SLC25A18: variants seen among roughly 807,000 people sequenced by gnomAD.
SLC25A18 encodes solute carrier family 25 member 18.
SLC25A18 carries 24 observed loss-of-function variants against 31.1 expected under a neutral mutation model. The ratio of observed to expected loss-of-function variants is 0.77; its 90% CI spans 0.56 to 1.08. The LOEUF (loss-of-function observed/expected upper bound fraction) is 1.08, where lower values mean the gene tolerates loss of function less well. SLC25A18 is among the 50% of genes least tolerant of loss of function. SLC25A18 has a pLI of 0.00. For synonymous variants in SLC25A18, 173 were observed against 161.9 expected (o/e 1.07, Z -0.52); for missense variants, 371 against 418.5 (o/e 0.89, Z 0.99).
chr22:17,577,977 T>G (rs1033202931), intron 2 of SLC25A18, among the ~76,000 whole-genome samples: 9 of 127,192 alleles, frequency 7.1e-5, no homozygotes, highest in Non-Finnish European at 1.2e-4. Context: ...GCGCCCTGCT[T>G]CTTTTTTTTT....
intron 8 of SLC25A18, 141 bp from the exon 9 acceptor site, chr22:17,587,784 C>T: frequency 9.8e-7 from 1 of 1,015,260 alleles, no homozygotes; most frequent in Non-Finnish European, 1.5e-6. Context: ...CACCCACGCT[C>T]ACGGGGCACA....
At chr22:17,574,854 T>TTATTATTATTATTATTATTATTG (rs2057193064) in intron 2 of SLC25A18, among the ~76,000 whole-genome samples, 1 of 63,104 alleles carries the variant, frequency 1.6e-5, no homozygotes, top group East Asian at 3.6e-4. Flanking sequence ...TATTATTATT[T>TTATTATTATTATTATTATTATTG]ATATATGTAT....
At chr22:17,572,219 C>T (rs1030849377) in intron 2 of SLC25A18, among the ~76,000 whole-genome samples, 11 of 151,556 alleles carry the variant, frequency 7.3e-5, no homozygotes, top group African/African-American at 2.2e-4. Flanking sequence ...CACAGTGGCT[C>T]ACCCCTGTAA....
At position 17,583,452 on chromosome 22, in the gene SLC25A18, G is replaced by A. The variant is rs370266488; in HGVS notation, c.327G>A (p.Gly109=). The change falls in exon 7 of 11, where the codon GGG becomes GGA. Residue 109 remains glycine, a synonymous_variant. Transcript: ENST00000327451. ...QRNLKMEMLA[G]CGAGMCQVVV... ...ACCTGAAGATGGAGATGCTTGCCGG[G>A]TGTGGGGCTGGGATGTGCCAGGTCG... The A allele has an allele frequency of 6.2e-7, 1 of 1,614,158 alleles. No homozygotes were observed. The highest frequency in any genetic ancestry group is 8.5e-7 in the Non-Finnish European group (1 of 1,180,034).
chr22:17,587,269 G>C lies in SLC25A18; in HGVS notation c.543G>C (p.Gly181=). 6.2e-7 allele frequency: 1 copy of C among 1,613,654 alleles called. No homozygotes were observed. The highest frequency in any genetic ancestry group is 8.5e-7 in the Non-Finnish European group (1 of 1,180,000). The part of the protein sequence containing the change: ...WELLRTQGLA[G]LYRGLGATLL... ...TGCTCCGCACTCAGGGCCTGGCTGG[G>C]CTCTACAGGGGCCTGGGTGCCACTC... Residue 181 remains glycine (G), a synonymous_variant, in exon 8 of 11, where the codon GGG becomes GGC. Coordinates refer to ENST00000327451, the MANE Select transcript of SLC25A18 (RefSeq NM_031481.3).
intron 7 of SLC25A18, among the ~76,000 whole-genome samples, chr22:17,584,636 C>A (rs2057486374): frequency 6.7e-6 from 1 of 150,202 alleles, no homozygotes; most frequent in Non-Finnish European, 1.5e-5. Flanking sequence ...AAAAATTAGC[C>A]AGGCGTGGTG....
At chr22:17,575,215 C>CAAAGG (rs2057202786) in intron 2 of SLC25A18, among the ~76,000 whole-genome samples, 1 of 152,144 alleles carries the variant, frequency 6.6e-6, no homozygotes, top group Admixed American at 6.6e-5. Flanking sequence ...CACCTCTGAG[C>CAAAGG]CTTTCAGCAC....
At chr22:17,584,457 GAGAGAGAGAGAGAGAA>G (rs1197497888) in intron 7 of SLC25A18, among the ~76,000 whole-genome samples, 3 of 126,756 alleles carry the variant, frequency 2.4e-5, no homozygotes, top group Admixed American at 7.7e-5. Context: ...GAGAGAGAGA[GAGAGAGAGAGAGAGAA>G]AGAAAGAAAG....
intron 1 of SLC25A18, among the ~76,000 whole-genome samples, chr22:17,568,794 C>T (rs2057010628): frequency 6.6e-6 from 1 of 151,558 alleles, no homozygotes; most frequent in African/African-American, 2.4e-5. Flanking sequence ...GTCTCCTGAC[C>T]TTGTGATCCA....
At chr22:17,580,781 A>T in intron 3 of SLC25A18, 1 of 1,252,968 alleles carries the variant, frequency 8.0e-7, no homozygotes, top group Non-Finnish European at 1.0e-6. Context: ...ATGGGGGCAG[A>T]GCTGGGCTCC....
At chr22:17,582,383 A>T (rs938142017) in intron 5 of SLC25A18, 180 bp from the exon 6 acceptor site, 2 of 481,980 alleles carry the variant, frequency 4.1e-6, no homozygotes, top group Non-Finnish European at 7.4e-6. Context: ...CTAAAAAAAA[A>T]GGAGAATGTG....
At chr22:17,584,422 A>G (rs4571160) in intron 7 of SLC25A18, among the ~76,000 whole-genome samples, 76 of 134,170 alleles carry the variant, frequency 5.7e-4, no homozygotes, top group African/African-American at 1.3e-3. Context: ...AAAGAAAGAA[A>G]GAAGGAAGGA....
At position 17,582,561 on chromosome 22, in the gene SLC25A18, A is replaced by G; in HGVS notation, c.200-2A>G. The G allele has an allele frequency of 1.3e-6, 2 of 1,591,192 alleles. No homozygotes were observed. Among genetic ancestry groups the G allele is most frequent in the Admixed American group, 1.8e-5 (1 of 57,010 alleles). On this transcript the variant is annotated splice_acceptor_variant, in intron 5 of 10. Transcript: ENST00000327451. LOFTEE classifies it high-confidence loss of function. ...ACTCCCCATCTTGTCCTTCACTTCCAGGGGCTGCAGTGAACCTCACTCTGG... is the reference window on the plus strand; with the variant it reads ...ACTCCCCATCTTGTCCTTCACTTCCGGGGGCTGCAGTGAACCTCACTCTGG...
At position 17,581,017 on chromosome 22, in the gene SLC25A18, C is replaced by A; in HGVS notation, c.21-20C>A. On this transcript the variant is annotated intron_variant, in intron 3 of 10. Transcript: ENST00000327451. ...CCCTCCCTCTGCCTCTCTCCTCCCC[C>A]TGTCCTCCCCCTGTCCTAGCATCAC... 6.5e-7 allele frequency: 1 copy of A among 1,535,964 alleles called. No homozygotes were observed. Among genetic ancestry groups the A allele is most frequent in the South Asian group, 1.2e-5 (1 of 81,398 alleles).
At chr22:17,576,395 G>T (rs2057230985) in intron 2 of SLC25A18, among the ~76,000 whole-genome samples, 1 of 151,982 alleles carries the variant, frequency 6.6e-6, no homozygotes. Context: ...TCCCATCAGT[G>T]CCGGAACCAG....
chr22:17,589,857 C>G (rs5747244), intron 10 of SLC25A18, among the ~76,000 whole-genome samples, 192 bp downstream of exon 10: 18,869 of 152,246 alleles, frequency 0.12, 1,554 homozygotes, highest in Non-Finnish European at 0.18. Context: ...CCTACAGCAT[C>G]TCTCACCAAA....
chr22:17,565,703 A>G (rs889114090), intron 1 of SLC25A18, among the ~76,000 whole-genome samples: 1 of 152,070 alleles, frequency 6.6e-6, no homozygotes, highest in Non-Finnish European at 1.5e-5. Context: ...CCCCGTCTCT[A>G]CTAAAAACAC....
Position 17,590,207 on chromosome 22 carries a change from G to A in SLC25A18, c.919G>A (p.Gly307Arg). ...IAQGVYFIGI[G>R]ERILKCFD ...TCAAGGGGTCTATTTTATTGGGATT[G>A]GAGAGCGCATCTTAAAGTGTTTTGA... The change falls in exon 11 of 11, where the codon GGA becomes AGA. Residue 307 changes from glycine (G) to arginine (R), a missense_variant. Transcript: ENST00000327451. 1 of 1,614,220 alleles carries A rather than the reference G, an allele frequency of 6.2e-7. No homozygotes were observed.
chr22:17,574,386 C>A (rs1179021293), intron 2 of SLC25A18, among the ~76,000 whole-genome samples: 2 of 152,248 alleles, frequency 1.3e-5, no homozygotes, highest in African/African-American at 4.8e-5. Flanking sequence ...AGGCTCCCCA[C>A]GTGTGGCCTA....
Sources: allele counts gnomAD v4.1 joint callset (sites outside exome capture counted in the v4.1 genomes callset), GRCh38; gene constraint gnomAD v4.1.1; transcripts MANE v1.5; gene names NCBI Gene and HGNC (gene_info 2026-07-23, HGNC 2026-07-21).